Variants in KCTD20 observed in about 807,000 individuals in gnomAD.
The protein encoded by KCTD20 is BTB/POZ domain-containing protein KCTD20.
KCTD20 carries 30 observed loss-of-function variants against 39.6 expected under a neutral mutation model. The ratio of observed to expected loss-of-function variants is 0.76; its 90% CI spans 0.57 to 1.03. The LOEUF (loss-of-function observed/expected upper bound fraction) is 1.03. KCTD20 is among the 50% of genes least tolerant of loss of function. The pLI, the probability that KCTD20 is intolerant of heterozygous loss-of-function variation, is 0.00. For missense variants in KCTD20, 422 were observed against 522.0 expected (o/e 0.81, Z 1.87); for synonymous variants, 162 against 180.6 (o/e 0.90, Z 0.83).
At chr6:36,478,228 C>T (rs1338334998) in intron 3 of KCTD20, among the ~76,000 whole-genome samples, 1 of 152,178 alleles carries the variant, frequency 6.6e-6, no homozygotes, top group Non-Finnish European at 1.5e-5. Context: ...GAAGTCAAAT[C>T]TTAGGCTGGT....
chr6:36,478,546 A>C (rs1776142071), intron 3 of KCTD20, among the ~76,000 whole-genome samples: 2 of 152,138 alleles, frequency 1.3e-5, no homozygotes. Flanking sequence ...GTATTGAGTA[A>C]GGCCATTTTT....
chr6:36,450,163 TAAAAAAAAAAA>T (rs576681021), intron 1 of KCTD20, among the ~76,000 whole-genome samples: 80 of 105,822 alleles, frequency 7.6e-4, no homozygotes, highest in South Asian at 1.2e-3. Context: ...GACTCCGTCC[TAAAAAAAAAAA>T]AAAAAAAAAA....
At position 36,487,546 on chromosome 6, in the gene KCTD20, T is replaced by G. The variant is rs1370984151; in HGVS notation, c.*371T>G. The G allele has an allele frequency of 1.1e-5, 2 of 178,506 alleles. No homozygotes were observed. The highest frequency in any genetic ancestry group is 1.2e-4 in the Admixed American group (2 of 16,820). 11.1% of individuals were successfully genotyped at this position (178,506 alleles called of 1,614,324 possible). Reference sequence around the variant, plus strand: ...CTGTTCTTGGGTTTTGTTTTTGTCTTGTTTTATACCAGGCAAATTGCTTAG... The same window carrying G: ...CTGTTCTTGGGTTTTGTTTTTGTCTGGTTTTATACCAGGCAAATTGCTTAG... On this transcript the variant is annotated 3_prime_UTR_variant, in exon 8 of 8. Transcript: ENST00000373731.
chr6:36,481,828 C>A, intron 6 of KCTD20, 69 bp downstream of exon 6: 1 of 1,324,934 alleles, frequency 7.5e-7, no homozygotes, highest in Non-Finnish European at 1.1e-6. Flanking sequence ...CAGCTTGATC[C>A]TAGAACCAAT....
intron 4 of KCTD20, 111 bp from the exon 5 acceptor site, chr6:36,479,480 T>C (rs1776169151): frequency 2.0e-6 from 2 of 989,956 alleles, no homozygotes; most frequent in Non-Finnish European, 3.0e-6. Flanking sequence ...TCCAATTTGG[T>C]GATAATTCCA....
intron 1 of KCTD20, among the ~76,000 whole-genome samples, chr6:36,455,164 T>G (rs990798222): frequency 6.6e-6 from 1 of 151,630 alleles, no homozygotes; most frequent in Non-Finnish European, 1.5e-5. Context: ...TCCCAGCACT[T>G]TGGGAGGCTG....
Position 36,487,387 on chromosome 6 carries a change from G to C in KCTD20, c.*212G>C. ...TCACTGGTAATTAGCTACCATCTTT[G>C]CAGCAGCCCTGGTAACTTGAAAAAT... On this transcript the variant is annotated 3_prime_UTR_variant, in exon 8 of 8. Coordinates refer to ENST00000373731, the MANE Select transcript of KCTD20 (RefSeq NM_173562.5). The C allele has an allele frequency of 1.8e-6, 1 of 562,054 alleles. No individual in the cohort carries two copies. The highest frequency in any genetic ancestry group is 2.6e-5 in the South Asian group (1 of 38,478). 34.8% of individuals were successfully genotyped at this position (562,054 alleles called of 1,614,324 possible).
intron 2 of KCTD20, among the ~76,000 whole-genome samples, chr6:36,471,272 A>T (rs536897915): frequency 6.6e-6 from 1 of 152,188 alleles, no homozygotes; most frequent in Non-Finnish European, 1.5e-5. Flanking sequence ...TAGCACCAAT[A>T]ATAGCAACTA....
intron 1 of KCTD20, among the ~76,000 whole-genome samples, chr6:36,466,584 A>G (rs182103810): frequency 5.9e-4 from 89 of 151,154 alleles, no homozygotes; most frequent in African/African-American, 2.1e-3. Flanking sequence ...ATCTTACTAT[A>G]TTACCCAGGC....
rs146810219 is a variant in KCTD20, at chr6:36,487,364, A to T, written c.*189A>T. On this transcript the variant is annotated 3_prime_UTR_variant, in exon 8 of 8. Coordinates refer to ENST00000373731, the MANE Select transcript of KCTD20 (RefSeq NM_173562.5). ...TCTGGCAGGGGATGAAGAAGTACTC[A>T]CTGGTAATTAGCTACCATCTTTGCA... The T allele has an allele frequency of 3.0e-4, 183 of 602,980 alleles. No homozygotes were observed. The highest frequency in any genetic ancestry group is 1.6e-4 in the Non-Finnish European group (58 of 353,226). The allele number at this position is 602,980 out of a possible 1,614,324, so 37.4% of individuals were successfully genotyped here. A position where few individuals can be genotyped will look rare whatever the true frequency, so the allele number is the denominator to read the frequency against.
At chr6:36,464,100 T>G (rs1258655051) in intron 1 of KCTD20, among the ~76,000 whole-genome samples, 1 of 152,234 alleles carries the variant, frequency 6.6e-6, no homozygotes, top group African/African-American at 2.4e-5. Flanking sequence ...GCATGCTGAC[T>G]GTACATCCTT....
chr6:36,482,304 A>G (rs1180860227), intron 6 of KCTD20, among the ~76,000 whole-genome samples: 1 of 152,204 alleles, frequency 6.6e-6, no homozygotes, highest in Non-Finnish European at 1.5e-5. Context: ...CTGTAATCCC[A>G]GCACTTTGGG....
intron 1 of KCTD20, among the ~76,000 whole-genome samples, chr6:36,449,591 CG>C (rs1775174893): frequency 1.3e-5 from 2 of 152,166 alleles, no homozygotes; most frequent in South Asian, 4.1e-4. Context: ...TCTCCAATTG[CG>C]TTTACAATCC....
At chr6:36,453,155 G>A (rs996910249) in intron 1 of KCTD20, among the ~76,000 whole-genome samples, 19 of 151,500 alleles carry the variant, frequency 1.3e-4, no homozygotes, top group African/African-American at 3.9e-4. Flanking sequence ...TTACAGACGC[G>A]TGCCACTACT....
rs1381257166 is a variant in KCTD20 at position 36,475,744 on chromosome 6, C to G, written c.434+682C>G. On this transcript the variant is annotated intron_variant, in intron 3 of 7. Coordinates refer to ENST00000373731, the MANE Select transcript of KCTD20 (RefSeq NM_173562.5). ...TAAGGTGAGACCTAAATCTTGCTCC[C>G]TTTTTAAAAAAAAAAATAACAGTAT... Among the ~76,000 whole-genome samples the G allele has an allele frequency of 2.3e-5, 3 of 130,686 alleles. No homozygotes were observed. In the East Asian group the frequency reaches 7.5e-4, roughly 33 times the overall value. The allele number at this position is 130,686 out of a possible 152,430, so 85.7% of individuals were successfully genotyped here.
At chr6:36,482,488 G>A (rs1776280490) in intron 6 of KCTD20, among the ~76,000 whole-genome samples, 2 of 152,286 alleles carry the variant, frequency 1.3e-5, no homozygotes, top group Admixed American at 6.5e-5. Flanking sequence ...GGGAGGCGGC[G>A]GTTGCAGTGA....
intron 2 of KCTD20, among the ~76,000 whole-genome samples, chr6:36,471,952 T>C (rs999279705): frequency 1.1e-4 from 17 of 151,814 alleles, no homozygotes; most frequent in African/African-American, 3.6e-4. Flanking sequence ...GGGTTCACGC[T>C]ATTCTCCTGC....
chr6:36,475,626 G>A (rs1310915699), intron 3 of KCTD20, among the ~76,000 whole-genome samples: 2 of 151,928 alleles, frequency 1.3e-5, no homozygotes, highest in Admixed American at 1.3e-4. Context: ...TGGAAACTAT[G>A]AAAAAATAAC....
intron 1 of KCTD20, among the ~76,000 whole-genome samples, chr6:36,465,396 T>G (rs1482885442): frequency 6.6e-6 from 1 of 151,294 alleles, no homozygotes; most frequent in African/African-American, 2.4e-5. Flanking sequence ...TGTTTTTTTT[T>G]TTTTTAATCT....
Sources: allele counts gnomAD v4.1 joint callset (sites outside exome capture counted in the v4.1 genomes callset), GRCh38; gene constraint gnomAD v4.1.1; transcripts MANE v1.5; gene names NCBI Gene and HGNC (gene_info 2026-07-23, HGNC 2026-07-21).